FNDC3B: variants seen among roughly 807,000 people sequenced by gnomAD.
FNDC3B encodes the protein fibronectin type III domain containing 3B.
In FNDC3B, 12 loss-of-function variants were observed where a neutral mutation model predicts 151.5. The observed-to-expected ratio is 0.08, with a 90% confidence interval of 0.05 to 0.13. The LOEUF is 0.13. Ranked by LOEUF, FNDC3B falls within the 10% of genes least tolerant of loss-of-function variation. The probability of loss-of-function intolerance (pLI) is 1.00; values close to 1 mark genes in which losing one functional copy is unlikely to be tolerated. For missense variants in FNDC3B, 1,214 were observed against 1,505.3 expected (o/e 0.81, Z 3.20); for synonymous variants, 528 against 549.0 (o/e 0.96, Z 0.54).
intron 11 of FNDC3B, among the ~76,000 whole-genome samples, chr3:172,325,661 GC>G (rs1401982721): frequency 1.3e-5 from 2 of 152,154 alleles, no homozygotes; most frequent in African/African-American, 2.4e-5. Context: ...AAGCTCCAGA[GC>G]CGTCGGAGAG....
At chr3:172,087,300 T>G (rs1718594597) in intron 1 of FNDC3B, among the ~76,000 whole-genome samples, 1 of 152,230 alleles carries the variant, frequency 6.6e-6, no homozygotes, top group Non-Finnish European at 1.5e-5. Context: ...AGAGACTTGC[T>G]GTTATTCACA....
At chr3:172,286,965 A>C (rs1730052964) in intron 7 of FNDC3B, among the ~76,000 whole-genome samples, 1 of 152,226 alleles carries the variant, frequency 6.6e-6, no homozygotes, top group Non-Finnish European at 1.5e-5. Flanking sequence ...TCTGTGTGGC[A>C]GGCAGCAGGG....
chr3:172,361,179 G>C (rs1156521935), intron 22 of FNDC3B, among the ~76,000 whole-genome samples: 1 of 152,116 alleles, frequency 6.6e-6, no homozygotes, highest in African/African-American at 2.4e-5. Flanking sequence ...ATTAGTACCA[G>C]GCTCCCTTTT....
chr3:172,365,389 G>A (rs1425922689), intron 23 of FNDC3B, among the ~76,000 whole-genome samples: 6 of 152,128 alleles, frequency 3.9e-5, no homozygotes, highest in African/African-American at 7.2e-5. Context: ...GATATATCCC[G>A]CTTGTGGCCA....
chr3:172,343,910 C>G (rs1277523682), intron 18 of FNDC3B, among the ~76,000 whole-genome samples, 176 bp from the exon 19 acceptor site: 8 of 152,098 alleles, frequency 5.3e-5, no homozygotes, highest in Non-Finnish European at 1.0e-4. Context: ...TGGATAACAT[C>G]ATTCAGAAAC....
intron 3 of FNDC3B, among the ~76,000 whole-genome samples, chr3:172,183,799 T>TGACA (rs1295359570): frequency 1.3e-5 from 2 of 152,242 alleles, no homozygotes; most frequent in Non-Finnish European, 2.9e-5. Flanking sequence ...ATGGAAGGTT[T>TGACA]GACATCCCAT....
chr3:172,152,985 G>A (rs574064401), intron 3 of FNDC3B, among the ~76,000 whole-genome samples: 7 of 152,230 alleles, frequency 4.6e-5, no homozygotes, highest in Admixed American at 6.5e-5. Context: ...TGTGTTTACC[G>A]TATGTGTTTA....
chr3:172,163,489 T>C (rs73880115), intron 3 of FNDC3B, among the ~76,000 whole-genome samples: 3,911 of 152,298 alleles, frequency 0.026, 204 homozygotes, highest in African/African-American at 0.089. Context: ...TTTTACTGTA[T>C]GTACAAACAC....
intron 1 of FNDC3B, among the ~76,000 whole-genome samples, chr3:172,100,006 A>T (rs1261697946): frequency 1.3e-5 from 2 of 152,168 alleles, no homozygotes; most frequent in Non-Finnish European, 2.9e-5. Context: ...TGTGTTTTTC[A>T]TTCTGCTTCT....
chr3:172,063,415 CTT>C (rs1303882165), intron 1 of FNDC3B, among the ~76,000 whole-genome samples: 1 of 152,170 alleles, frequency 6.6e-6, no homozygotes, highest in Non-Finnish European at 1.5e-5. Flanking sequence ...CTGTTAAACT[CTT>C]TGAGAAGGAT....
chr3:172,211,540 G>A (rs1163614664), intron 3 of FNDC3B, among the ~76,000 whole-genome samples: 2 of 152,220 alleles, frequency 1.3e-5, no homozygotes, highest in African/African-American at 4.8e-5. Context: ...AAGGGGAATG[G>A]TTGGAAGGCA....
At chr3:172,301,251 T>C (rs1439848952) in intron 9 of FNDC3B, among the ~76,000 whole-genome samples, 3 of 152,216 alleles carry the variant, frequency 2.0e-5, no homozygotes. Context: ...TCGTTGCAGT[T>C]TTTCCAAGCT....
intron 3 of FNDC3B, among the ~76,000 whole-genome samples, chr3:172,143,571 A>G (rs529191472): frequency 1.3e-5 from 2 of 152,284 alleles, no homozygotes; most frequent in South Asian, 4.1e-4. Context: ...ATGTATAGTA[A>G]TAAATTCTCG....
At chr3:172,287,552 A>G (rs1730091648) in intron 7 of FNDC3B, among the ~76,000 whole-genome samples, 3 of 152,234 alleles carry the variant, frequency 2.0e-5, no homozygotes, top group Admixed American at 2.0e-4. Flanking sequence ...GCATAGTAGA[A>G]AGAAGAAAAA....
In FNDC3B at chr3:172,374,682, T is replaced by C. The variant is rs538225972; in HGVS notation, c.3009-3588T>C. Among the ~76,000 whole-genome samples, 4 of 152,356 alleles carry C rather than the reference T, an allele frequency of 2.6e-5. No homozygotes were observed. In the South Asian group the frequency reaches 8.3e-4, roughly 32 times the overall value. Reference sequence around the variant, plus strand: ...TGCTAGAATTACAGGCCTGAGCCACTGTGCCCGGCCAGCAGTTTTCTTTTA... The same window carrying C: ...TGCTAGAATTACAGGCCTGAGCCACCGTGCCCGGCCAGCAGTTTTCTTTTA... On this transcript the variant is annotated intron_variant, in intron 23 of 25. Transcript: ENST00000415807.
At chr3:172,092,453 T>C (rs565938454) in intron 1 of FNDC3B, among the ~76,000 whole-genome samples, 2 of 152,244 alleles carry the variant, frequency 1.3e-5, no homozygotes, top group Non-Finnish European at 1.5e-5. Context: ...ATTATGTGGA[T>C]GTAAAACGTG....
chr3:172,048,512 T>C (rs1399332478), intron 1 of FNDC3B, among the ~76,000 whole-genome samples: 1 of 152,200 alleles, frequency 6.6e-6, no homozygotes, highest in Non-Finnish European at 1.5e-5. Flanking sequence ...GTTGGGAATG[T>C]TAAATGATAA....
chr3:172,067,868 GT>G (rs1366643820), intron 1 of FNDC3B, among the ~76,000 whole-genome samples: 6 of 152,138 alleles, frequency 3.9e-5, no homozygotes, highest in Non-Finnish European at 7.3e-5. Flanking sequence ...TCTCCTGTCT[GT>G]TTTGAAGAGA....
At chr3:172,315,511 G>C (rs1731735403) in intron 11 of FNDC3B, among the ~76,000 whole-genome samples, 1 of 152,210 alleles carries the variant, frequency 6.6e-6, no homozygotes, top group Admixed American at 6.5e-5. Context: ...CCCTTGTGGT[G>C]ACTCGTGAGC....
Sources: gnomAD v4.1 joint callset for allele counts (sites outside exome capture counted in the v4.1 genomes callset) on GRCh38, gnomAD v4.1.1 for gene constraint, MANE v1.5 for transcripts, NCBI Gene and HGNC (gene_info 2026-07-23, HGNC 2026-07-21) for gene names.